Variants in AKAP7 observed in about 807,000 individuals in gnomAD.
AKAP7 encodes A-kinase anchoring protein 7.
In AKAP7, 39 loss-of-function variants were observed where a neutral mutation model predicts 39.5. The ratio of observed to expected loss-of-function variants is 0.99; its 90% CI spans 0.76 to 1.29. AKAP7 has a LOEUF of 1.29. Among genes scored for constraint, AKAP7 ranks in the 50% most tolerant of loss-of-function variants. The pLI is 0.00. For missense variants in AKAP7, 414 were observed against 407.7 expected (o/e 1.02, Z -0.13); for synonymous variants, 140 against 139.1 (o/e 1.01, Z -0.05).
chr6:131,177,238 A>AAATGTTATAGCATT (rs1260410086), intron 5 of AKAP7, among the ~76,000 whole-genome samples: 1 of 152,184 alleles, frequency 6.6e-6, no homozygotes, highest in African/African-American at 2.4e-5. Context: ...CTATAACAGA[A>AAATGTTATAGCATT]TACTTGAGGC....
chr6:131,260,873 A>G (rs1191980839), intron 7 of AKAP7, among the ~76,000 whole-genome samples: 1 of 152,002 alleles, frequency 6.6e-6, no homozygotes, highest in Non-Finnish European at 1.5e-5. Flanking sequence ...CTACCTTTTT[A>G]TTTTCCTTAA....
intron 7 of AKAP7, among the ~76,000 whole-genome samples, chr6:131,263,237 C>G (rs1813504745): frequency 6.6e-6 from 1 of 152,180 alleles, no homozygotes; most frequent in Non-Finnish European, 1.5e-5. Flanking sequence ...TTACAGACAC[C>G]ACCTCTCCAT....
At chr6:131,141,705 T>C (rs567137770) in intron 1 of AKAP7, among the ~76,000 whole-genome samples, 6 of 152,258 alleles carry the variant, frequency 3.9e-5, no homozygotes, top group Admixed American at 3.3e-4. Context: ...GATAGAAATA[T>C]GGACAGTGAA....
intron 5 of AKAP7, among the ~76,000 whole-genome samples, chr6:131,177,435 G>C (rs1415457867): frequency 6.6e-6 from 1 of 152,142 alleles, no homozygotes; most frequent in Non-Finnish European, 1.5e-5. Context: ...AAGCAAGTGA[G>C]AATCTAGGAA....
chr6:131,271,494 A>C (rs1814275520), intron 7 of AKAP7, among the ~76,000 whole-genome samples: 1 of 152,060 alleles, frequency 6.6e-6, no homozygotes, highest in South Asian at 2.1e-4. Context: ...TAAGTCTTCT[A>C]ATCATGTTCT....
intron 2 of AKAP7, among the ~76,000 whole-genome samples, chr6:131,148,444 T>C (rs772927429): frequency 4.7e-4 from 65 of 139,718 alleles, no homozygotes; most frequent in South Asian, 6.6e-4. Flanking sequence ...TACTTGGACC[T>C]TTGACACTTA....
At chr6:131,149,618 C>T (rs1232819927) in intron 2 of AKAP7, among the ~76,000 whole-genome samples, 2 of 152,174 alleles carry the variant, frequency 1.3e-5, no homozygotes, top group African/African-American at 4.8e-5. Flanking sequence ...CTGGGCAACA[C>T]AGCCAGACTC....
rs184208351 is a variant in AKAP7 at position 131,141,777 on chromosome 6, T to C, written c.20-3508T>C. ...GTTATTGGGAACTGCAGTTAACGTC[T>C]CTATGTTATGCCCTAGCAAAGAATT... is the stretch of plus-strand genomic sequence containing the variant. On this transcript the variant is annotated intron_variant, in intron 1 of 7. Transcript: ENST00000431975. 7.0e-3 allele frequency among the ~76,000 whole-genome samples: 1,071 copies of C among 152,318 alleles called. 2 individuals are homozygous for C. Among genetic ancestry groups the C allele is most frequent in the Non-Finnish European group, 0.01 (709 of 68,020 alleles).
At chr6:131,159,290 T>C (rs569680737) in intron 2 of AKAP7, among the ~76,000 whole-genome samples, 10 of 152,140 alleles carry the variant, frequency 6.6e-5, no homozygotes, top group Admixed American at 3.3e-4. Flanking sequence ...AGACGAGGTT[T>C]CACCGTGTTA....
intron 6 of AKAP7, among the ~76,000 whole-genome samples, chr6:131,205,628 C>T (rs967979813): frequency 5.9e-5 from 9 of 152,266 alleles, no homozygotes; most frequent in Middle Eastern, 6.8e-3. Flanking sequence ...TATTCTGGTT[C>T]CCAAGTTAGA....
rs76343355 is a variant in AKAP7, at chr6:131,190,994, C to G, written c.590-8467C>G. 0.014 allele frequency among the ~76,000 whole-genome samples: 2,180 copies of G among 152,270 alleles called. 147 individuals are homozygous for G. In the East Asian group the frequency reaches 0.18, roughly 12 times the overall value. ...GTGCTTGGCACATACAGGGAGTGCT[C>G]AGTAGGTAACTGAATAAATGAATTT... On this transcript the variant is annotated intron_variant, in intron 5 of 7. Transcript: ENST00000431975.
At chr6:131,142,528 G>A (rs1319626826) in intron 1 of AKAP7, among the ~76,000 whole-genome samples, 2 of 152,270 alleles carry the variant, frequency 1.3e-5, no homozygotes, top group African/African-American at 2.4e-5. Context: ...AGGCATGGCA[G>A]CTTCCACCTA....
intron 7 of AKAP7, among the ~76,000 whole-genome samples, chr6:131,241,638 T>TATATATATATATAC (rs1811631436): frequency 7.0e-6 from 1 of 143,072 alleles, no homozygotes; most frequent in Non-Finnish European, 1.5e-5. Context: ...TATATATATA[T>TATATATATATATAC]GACAGTTATA....
rs531582478 is a variant in AKAP7, at chr6:131,207,491, A to ATTTTTTTTT, written c.702+7936_702+7944dup. ...TGCACACCATGCCTGGCTAATTAAA[A>ATTTTTTTTT]TTTTTTTTTTTTTTTTTTTTTTTTT... On this transcript the variant is annotated intron_variant, in intron 6 of 7. Coordinates refer to ENST00000431975, the MANE Select transcript of AKAP7 (RefSeq NM_016377.4). Among the ~76,000 whole-genome samples the ATTTTTTTTT allele has an allele frequency of 6.2e-4, 49 of 78,794 alleles. 10 individuals are homozygous for ATTTTTTTTT. The highest frequency in any genetic ancestry group is 1.8e-4 in the Non-Finnish European group (7 of 39,026). The allele number at this position is 78,794 out of a possible 152,430, so 51.7% of individuals were successfully genotyped here.
At chr6:131,126,609 G>A in the AKAP7 span, among the ~76,000 whole-genome samples, 4 of 152,114 alleles carry the variant, frequency 2.6e-5, no homozygotes, top group Non-Finnish European at 5.9e-5. Context: ...GACTTTGGAT[G>A]GAGACTATAA....
chr6:131,199,405 A>T, intron 5 of AKAP7, 56 bp from the exon 6 acceptor site: 2 of 1,232,532 alleles, frequency 1.6e-6, no homozygotes, highest in Non-Finnish European at 2.3e-6. Context: ...TTTTACAGTT[A>T]AAAAGAACTG....
chr6:131,245,243 C>CT lies in AKAP7; in HGVS notation c.850+25452dup, dbSNP rs1240021057. Among the ~76,000 whole-genome samples, 274 of 135,218 alleles carry CT rather than the reference C, an allele frequency of 2.0e-3. 1 individual carries two copies. Among genetic ancestry groups the CT allele is most frequent in the Admixed American group, 3.3e-3 (44 of 13,384 alleles). 88.7% of individuals were successfully genotyped at this position (135,218 alleles called of 152,430 possible). ...TGGATTGATTATTGAGAGTTGAATTCTTTTTTTTTTTTTTTTTCTTGAGAT... is the reference window on the plus strand; with the variant it reads ...TGGATTGATTATTGAGAGTTGAATTCTTTTTTTTTTTTTTTTTTCTTGAGAT... On this transcript the variant is annotated intron_variant, in intron 7 of 7. Coordinates refer to ENST00000431975, the MANE Select transcript of AKAP7 (RefSeq NM_016377.4).
intron 5 of AKAP7, among the ~76,000 whole-genome samples, chr6:131,198,222 T>G (rs1035165243): frequency 1.3e-5 from 2 of 152,152 alleles, no homozygotes; most frequent in African/African-American, 4.8e-5. Context: ...ATTTTGAACA[T>G]AGGACATACA....
chr6:131,279,560 C>T (rs1366805391), intron 7 of AKAP7, among the ~76,000 whole-genome samples: 1 of 152,172 alleles, frequency 6.6e-6, no homozygotes, highest in Non-Finnish European at 1.5e-5. Flanking sequence ...AGCCACCGCG[C>T]CTGGCCAAAA....
Sources: gnomAD v4.1 joint callset for allele counts (sites outside exome capture counted in the v4.1 genomes callset) on GRCh38, gnomAD v4.1.1 for gene constraint, MANE v1.5 for transcripts, NCBI Gene and HGNC (gene_info 2026-07-23, HGNC 2026-07-21) for gene names.